ZFHX3: variants seen among roughly 807,000 people sequenced by gnomAD.
The protein encoded by ZFHX3 is zinc finger homeobox 3.
Under a neutral mutation model 279.1 loss-of-function variants are expected in ZFHX3, and 42 were observed. The observed-to-expected ratio is 0.15, with a 90% CI of 0.12 to 0.19. ZFHX3 has a LOEUF of 0.19. Ranked by LOEUF, ZFHX3 falls within the 10% of genes least tolerant of loss-of-function variation. The probability of loss-of-function intolerance (pLI) is 1.00; values close to 1 mark genes in which losing one functional copy is unlikely to be tolerated. For synonymous variants in ZFHX3, 2,293 were observed against 1,957.8 expected, an observed-to-expected ratio of 1.17 and a Z score of -4.52; for missense variants, 4,981 against 4,754.0, an observed-to-expected ratio of 1.05 and a Z score of -1.40.
At chr16:73,470,666 T>A (rs1243912153) in intron 2 of ZFHX3, among the ~76,000 whole-genome samples, 1 of 152,208 alleles carries the variant, frequency 6.6e-6, no homozygotes, top group Non-Finnish European at 1.5e-5. Flanking sequence ...ATTCATGTAA[T>A]AAGACAGCTC....
intron 4 of ZFHX3, among the ~76,000 whole-genome samples, chr16:73,268,577 T>C (rs949548375): frequency 1.3e-5 from 2 of 152,218 alleles, no homozygotes; most frequent in Non-Finnish European, 2.9e-5. Context: ...TTTCATCCAA[T>C]AGCAATTAGC....
chr16:73,517,121 C>A (rs1445619457), intron 2 of ZFHX3, among the ~76,000 whole-genome samples: 2 of 152,192 alleles, frequency 1.3e-5, no homozygotes, highest in African/African-American at 2.4e-5. Context: ...TCTCGCTTTA[C>A]TGCATTCCCA....
intron 5 of ZFHX3, among the ~76,000 whole-genome samples, chr16:73,249,363 G>A (rs1320032729): frequency 2.0e-5 from 3 of 152,108 alleles, no homozygotes; most frequent in Non-Finnish European, 2.9e-5. Context: ...CCCAAGAATG[G>A]GTAATTTATA....
chr16:72,802,508 T>C (rs1218092357), intron 7 of ZFHX3, among the ~76,000 whole-genome samples: 1 of 152,190 alleles, frequency 6.6e-6, no homozygotes, highest in Non-Finnish European at 1.5e-5. Context: ...GTAACTACTT[T>C]TATCCACCTG....
intron 1 of ZFHX3, among the ~76,000 whole-genome samples, chr16:73,798,616 G>T (rs1006713574): frequency 3.9e-5 from 6 of 152,108 alleles, no homozygotes; most frequent in Non-Finnish European, 7.4e-5. Flanking sequence ...CACATCTTGT[G>T]GGAATAGCTT....
At chr16:73,045,390 T>C (rs922528829) in intron 1 of ZFHX3, among the ~76,000 whole-genome samples, 3 of 152,180 alleles carry the variant, frequency 2.0e-5, no homozygotes, top group African/African-American at 7.2e-5. Flanking sequence ...AAATCTCGCT[T>C]ATTTTAGCTC....
chr16:73,137,195 T>C (rs1195277833), intron 6 of ZFHX3: 1 of 152,184 alleles, frequency 6.6e-6, no homozygotes, highest in Non-Finnish European at 1.5e-5. Context: ...AGCTAGCCAG[T>C]GCTATCTGGA....
At position 73,699,273 on chromosome 16, in the gene ZFHX3, T is replaced by C. The variant is rs557489868; in HGVS notation, c.-1607-19033A>G. On this transcript the variant is annotated intron_variant, in intron 1 of 17. Transcript: ENST00000641206. ...TGGGGGTGTGTAAGGAAACTCTCTC[T>C]GCTACGTTACAACTTTTCTCTAAGT... is the stretch of plus-strand genomic sequence containing the variant. 5.9e-5 allele frequency among the ~76,000 whole-genome samples: 9 copies of C among 152,268 alleles called. No homozygotes were observed. In the South Asian group the frequency reaches 1.9e-3, roughly 32 times the overall value.
chr16:73,835,998 C>T (rs1597137016), intron 1 of ZFHX3, among the ~76,000 whole-genome samples: 2 of 152,110 alleles, frequency 1.3e-5, no homozygotes, highest in South Asian at 2.1e-4. Context: ...GAATTATACT[C>T]ACTTTGCATG....
intron 2 of ZFHX3, among the ~76,000 whole-genome samples, chr16:73,601,469 CAAA>C (rs67967322): frequency 6.1e-5 from 8 of 131,672 alleles, no homozygotes; most frequent in Admixed American, 7.6e-5. Context: ...GACTCCATCT[CAAA>C]AAAAAAAAAA....
chr16:73,462,398 C>T (rs1013991585), intron 2 of ZFHX3, among the ~76,000 whole-genome samples: 18 of 151,982 alleles, frequency 1.2e-4, no homozygotes, highest in African/African-American at 3.4e-4. Context: ...ATCTGTGTAC[C>T]TTTGATTTCT....
At chr16:73,839,614 T>G (rs1418219015) in intron 1 of ZFHX3, among the ~76,000 whole-genome samples, 1 of 152,220 alleles carries the variant, frequency 6.6e-6, no homozygotes, top group Non-Finnish European at 1.5e-5. Flanking sequence ...AGTGTCCATC[T>G]TTGTGAAGCT....
chr16:73,698,952 T>C (rs2142214736), intron 1 of ZFHX3, among the ~76,000 whole-genome samples: 1 of 152,282 alleles, frequency 6.6e-6, no homozygotes. Flanking sequence ...TGGCGTGATC[T>C]CGGCTTACTG....
At chr16:73,309,894 G>GT (rs1430658733) in intron 4 of ZFHX3, among the ~76,000 whole-genome samples, 1 of 114,748 alleles carries the variant, frequency 8.7e-6, no homozygotes, top group Admixed American at 8.9e-5. Flanking sequence ...TTTGGGACTC[G>GT]TTTTTTCTTG....
chr16:73,734,746 A>C (rs2053595397), intron 1 of ZFHX3, among the ~76,000 whole-genome samples: 1 of 152,194 alleles, frequency 6.6e-6, no homozygotes, highest in African/African-American at 2.4e-5. Flanking sequence ...TAAAAATAAC[A>C]AATTTGAAAA....
chr16:72,935,766 A>C (rs1277488091), intron 3 of ZFHX3, among the ~76,000 whole-genome samples: 4 of 152,092 alleles, frequency 2.6e-5, no homozygotes, highest in Middle Eastern at 3.4e-3. Context: ...TTTTGCCATC[A>C]AATCATCAGG....
At chr16:73,717,562 C>T in intron 1 of ZFHX3, among the ~76,000 whole-genome samples, 1 of 152,304 alleles carries the variant, frequency 6.6e-6, no homozygotes, top group East Asian at 1.9e-4. Context: ...GACGCTCAAA[C>T]AAGCCTTTTG....
intron 4 of ZFHX3, among the ~76,000 whole-genome samples, chr16:72,848,157 G>C (rs2037525061): frequency 6.6e-6 from 1 of 152,176 alleles, no homozygotes; most frequent in Non-Finnish European, 1.5e-5. Flanking sequence ...GGGGTGCTGA[G>C]GGGGAATGGA....
At chr16:73,757,184 A>G (rs1421372654) in intron 1 of ZFHX3, among the ~76,000 whole-genome samples, 1 of 152,194 alleles carries the variant, frequency 6.6e-6, no homozygotes, top group East Asian at 1.9e-4. Flanking sequence ...AAAGGGAGGG[A>G]AGGGTTGCCT....
Sources: allele counts gnomAD v4.1 joint callset (sites outside exome capture counted in the v4.1 genomes callset), GRCh38; gene constraint gnomAD v4.1.1; transcripts MANE v1.5; gene names NCBI Gene and HGNC (gene_info 2026-07-23, HGNC 2026-07-21).